Variants in GNB4 observed in about 807,000 individuals in gnomAD.
The protein encoded by GNB4 is guanine nucleotide-binding protein subunit beta-4.
A neutral mutation model predicts 45.2 loss-of-function variants in GNB4; 28 were observed. That is an observed-to-expected ratio of 0.62 (90% confidence interval 0.46 to 0.85). The LOEUF is 0.85. Ranked by LOEUF, GNB4 falls within the 40% of genes least tolerant of loss-of-function variation. GNB4 has a pLI of 0.00. For missense variants in GNB4, 321 were observed against 425.4 expected (o/e 0.75, Z 2.16); for synonymous variants, 132 against 143.7 (o/e 0.92, Z 0.58).
intron 8 of GNB4, among the ~76,000 whole-genome samples, chr3:179,406,523 A>C (rs532848102): frequency 1.3e-5 from 2 of 152,100 alleles, no homozygotes; most frequent in Non-Finnish European, 2.9e-5. Flanking sequence ...TTAATCTTTT[A>C]TATCTAGGTA....
chr3:179,440,240 T>C (rs994960893), intron 1 of GNB4, among the ~76,000 whole-genome samples: 1 of 152,216 alleles, frequency 6.6e-6, no homozygotes, highest in Non-Finnish European at 1.5e-5. Flanking sequence ...TTGGTCTTAC[T>C]TTACTCTTGA....
At chr3:179,483,339 CTATA>C in the GNB4 span, among the ~76,000 whole-genome samples, 1 of 151,586 alleles carries the variant, frequency 6.6e-6, no homozygotes, top group Non-Finnish European at 1.5e-5. Context: ...TATAATTAAA[CTATA>C]TATATACTAT....
the GNB4 span, among the ~76,000 whole-genome samples, chr3:179,473,033 C>G: frequency 6.6e-6 from 1 of 152,136 alleles, no homozygotes; most frequent in Non-Finnish European, 1.5e-5. Context: ...CATGGTGGCA[C>G]ACGCCTGTAG....
upstream of GNB4, among the ~76,000 whole-genome samples, chr3:179,455,782 G>A (rs965445944): frequency 3.9e-5 from 6 of 152,222 alleles, no homozygotes; most frequent in African/African-American, 1.2e-4. Context: ...CTTGGCAGAC[G>A]TGTTCTCTGT....
At chr3:179,465,188 C>G in the GNB4 span, 1 of 1,298,458 alleles carries the variant, frequency 7.7e-7, no homozygotes, top group Non-Finnish European at 1.1e-6. Context: ...AGTTCATGAT[C>G]CTGTAACTGC....
intron 1 of GNB4, among the ~76,000 whole-genome samples, chr3:179,428,662 T>C (rs1465082019): frequency 6.6e-6 from 1 of 152,146 alleles, no homozygotes; most frequent in Non-Finnish European, 1.5e-5. Flanking sequence ...TTTTAAAAAT[T>C]TGCAGTTATT....
chr3:179,439,021 G>A (rs1334840879), intron 1 of GNB4, among the ~76,000 whole-genome samples: 1 of 152,142 alleles, frequency 6.6e-6, no homozygotes, highest in Non-Finnish European at 1.5e-5. Flanking sequence ...CTCAGAGTGT[G>A]GGGACCAGCA....
chr3:179,434,519 G>A (rs1715392593), intron 1 of GNB4, among the ~76,000 whole-genome samples: 2 of 152,006 alleles, frequency 1.3e-5, no homozygotes, highest in South Asian at 2.1e-4. Context: ...CCAGGAGTTT[G>A]AGACCAACCT....
the GNB4 span, among the ~76,000 whole-genome samples, chr3:179,507,096 C>G: frequency 6.6e-6 from 1 of 152,172 alleles, no homozygotes; most frequent in Non-Finnish European, 1.5e-5. Flanking sequence ...GAGTCGCCAT[C>G]CATCTGCCAA....
Position 179,419,306 on chromosome 3 carries a change from TTC to T in GNB4, c.203+91_203+92del, listed in dbSNP as rs534765522. The T allele has an allele frequency of 3.1e-4, 259 of 829,484 alleles. 1 individual carries two copies. In the African/African-American group the frequency reaches 3.7e-3, roughly 12 times the overall value. The allele number at this position is 829,484 out of a possible 1,614,324, so 51.4% of individuals were successfully genotyped here. ...TTTCTGCAAACGCTTCATGAATATA[TTC>T]TGTTTTTAAACAAAGAAAATGCAAA... On this transcript the variant is annotated intron_variant, in intron 4 of 9. Coordinates refer to ENST00000232564, the MANE Select transcript of GNB4 (RefSeq NM_021629.4).
chr3:179,479,935 C>T, the GNB4 span, among the ~76,000 whole-genome samples: 11 of 152,272 alleles, frequency 7.2e-5, no homozygotes, highest in East Asian at 3.9e-4. Flanking sequence ...TTTTGGAAAA[C>T]GAATCCCTCT....
the GNB4 span, among the ~76,000 whole-genome samples, chr3:179,515,455 T>C: frequency 3.3e-5 from 5 of 151,604 alleles, no homozygotes; most frequent in African/African-American, 1.2e-4. Context: ...GGGTAGGTAG[T>C]AGAAAATTAC....
the GNB4 span, among the ~76,000 whole-genome samples, chr3:179,526,759 A>C: frequency 7.2e-5 from 11 of 152,232 alleles, no homozygotes; most frequent in Non-Finnish European, 1.3e-4. Flanking sequence ...GGAAAGCAGA[A>C]CAAAATTTTC....
At chr3:179,454,200 C>T (rs755305857), upstream of GNB4, among the ~76,000 whole-genome samples, 4 of 152,160 alleles carry the variant, frequency 2.6e-5, no homozygotes, top group East Asian at 7.7e-4. Flanking sequence ...ACTCATTAGG[C>T]CCATGTTCTC....
intron 4 of GNB4, 98 bp from the exon 5 acceptor site, chr3:179,416,654 C>G: frequency 1.6e-6 from 1 of 632,006 alleles, no homozygotes; most frequent in Non-Finnish European, 2.6e-6. Flanking sequence ...CAGAAAAATA[C>G]AATTTTTCCA....
chr3:179,413,015 AT>A (rs1383949148), intron 8 of GNB4, among the ~76,000 whole-genome samples: 2 of 152,030 alleles, frequency 1.3e-5, no homozygotes, highest in Non-Finnish European at 2.9e-5. Flanking sequence ...CCCCATCTCT[AT>A]AAAAAATACA....
chr3:179,470,306 G>A, the GNB4 span, among the ~76,000 whole-genome samples: 1 of 152,048 alleles, frequency 6.6e-6, no homozygotes, highest in Non-Finnish European at 1.5e-5. Context: ...GGTTATCATA[G>A]GAAGTGACAG....
chr3:179,430,077 GACAGAC>G (rs1559977621), intron 1 of GNB4, among the ~76,000 whole-genome samples: 6 of 44,468 alleles, frequency 1.3e-4, no homozygotes, highest in Admixed American at 8.3e-4. Context: ...GAGAGAGACA[GACAGAC>G]AGACAGACAG....
At chr3:179,496,225 G>A in the GNB4 span, among the ~76,000 whole-genome samples, 2 of 152,144 alleles carry the variant, frequency 1.3e-5, no homozygotes, top group Non-Finnish European at 2.9e-5. Flanking sequence ...ATATGTAATT[G>A]AAGTTAAGTT....
Sources: allele counts gnomAD v4.1 joint callset (sites outside exome capture counted in the v4.1 genomes callset), GRCh38; gene constraint gnomAD v4.1.1; transcripts MANE v1.5; gene names NCBI Gene and HGNC (gene_info 2026-07-23, HGNC 2026-07-21).